The following DAB2IP variants were observed in gnomAD, a reference collection of about 807,000 sequenced individuals.
DAB2IP encodes the protein disabled homolog 2-interacting protein.
In DAB2IP, 28 loss-of-function variants were observed where a neutral mutation model predicts 107.2. The ratio of observed to expected loss-of-function variants is 0.26; its 90% CI spans 0.19 to 0.36. The LOEUF (loss-of-function observed/expected upper bound fraction) is 0.36. Among genes scored for constraint, DAB2IP ranks in the 10% least tolerant of loss-of-function variants. The probability of loss-of-function intolerance (pLI) is 1.00; values close to 1 mark genes in which losing one functional copy is unlikely to be tolerated. For synonymous variants in DAB2IP, 755 were observed against 706.4 expected, an observed-to-expected ratio of 1.07 and a Z score of -1.09; for missense variants, 1,400 against 1,644.7, an observed-to-expected ratio of 0.85 and a Z score of 2.57.
chr9:121,672,747 C>G (rs939833838), intron 1 of DAB2IP, among the ~76,000 whole-genome samples: 2 of 152,160 alleles, frequency 1.3e-5, no homozygotes, highest in Admixed American at 1.3e-4. Context: ...CTGGGGCGCA[C>G]TCTTAAGAGA....
At chr9:121,611,025 G>A (rs553032640) in intron 1 of DAB2IP, among the ~76,000 whole-genome samples, 2 of 152,134 alleles carry the variant, frequency 1.3e-5, no homozygotes, top group African/African-American at 4.8e-5. Flanking sequence ...CACCCATGCT[G>A]GAGTGAGTGG....
chr9:121,782,898 AG>A lies in DAB2IP; in HGVS notation c.*404del. 1 of 1,046,678 alleles carries A rather than the reference AG, an allele frequency of 9.6e-7. No individual in the cohort carries two copies. The highest frequency in any genetic ancestry group is 3.7e-5 in the South Asian group (1 of 26,766). The allele number at this position is 1,046,678 out of a possible 1,614,324, so 64.8% of individuals were successfully genotyped here. A position where few individuals can be genotyped will look rare whatever the true frequency, so the allele number is the denominator to read the frequency against. Reference sequence around the variant, plus strand: ...TTCCTGGAGGGGGGATTCAAGGGCTAGGGGCCTACACCTGTGGCTTCCCCTC... The same window carrying A: ...TTCCTGGAGGGGGGATTCAAGGGCTAGGGCCTACACCTGTGGCTTCCCCTC... On this transcript the variant is annotated 3_prime_UTR_variant, in exon 16 of 16. Transcript: ENST00000408936. The surrounding 1 kb of genome is among the most constrained non-coding windows in gnomAD (Gnocchi z 6.1).
intron 1 of DAB2IP, among the ~76,000 whole-genome samples, chr9:121,611,744 T>C (rs1474001921): frequency 1.3e-5 from 2 of 151,918 alleles, no homozygotes; most frequent in East Asian, 3.9e-4. Flanking sequence ...GCCACCACAG[T>C]CAGCTAATTT....
chr9:121,690,731 C>T (rs1240855858), intron 2 of DAB2IP, among the ~76,000 whole-genome samples: 1 of 152,174 alleles, frequency 6.6e-6, no homozygotes, highest in Non-Finnish European at 1.5e-5. Context: ...AATCTGGGCT[C>T]CCCTCTTTTT....
At chr9:121,649,655 C>T (rs1388869345), upstream of DAB2IP, among the ~76,000 whole-genome samples, 3 of 152,132 alleles carry the variant, frequency 2.0e-5, no homozygotes, top group South Asian at 4.1e-4. Flanking sequence ...GACCTGGCTA[C>T]GGAGGTTAGT....
chr9:121,605,983 C>T (rs949063790), intron 1 of DAB2IP, among the ~76,000 whole-genome samples: 1 of 152,106 alleles, frequency 6.6e-6, no homozygotes, highest in Non-Finnish European at 1.5e-5. Context: ...AAACATCTGT[C>T]CCTGAGTTCA....
At chr9:121,722,197 C>CCCCT (rs1035335026) in intron 3 of DAB2IP, among the ~76,000 whole-genome samples, 13 of 152,322 alleles carry the variant, frequency 8.5e-5, no homozygotes, top group African/African-American at 2.4e-4. Context: ...CATGTGACCT[C>CCCCT]CCCTGCCATT....
At chr9:121,695,174 A>G (rs1829359990) in intron 2 of DAB2IP, among the ~76,000 whole-genome samples, 1 of 152,024 alleles carries the variant, frequency 6.6e-6, no homozygotes, top group Non-Finnish European at 1.5e-5. Context: ...CAAAACTACC[A>G]AACTGGATGA....
intron 10 of DAB2IP, 32 bp from the exon 11 acceptor site, chr9:121,770,514 G>T: frequency 6.2e-7 from 1 of 1,603,510 alleles, no homozygotes; most frequent in Non-Finnish European, 8.5e-7. Flanking sequence ...GGTCCCAGGA[G>T]GTCACACCTG....
At chr9:121,678,414 T>C (rs1041298860) in intron 1 of DAB2IP, among the ~76,000 whole-genome samples, 1 of 152,246 alleles carries the variant, frequency 6.6e-6, no homozygotes, top group African/African-American at 2.4e-5. Flanking sequence ...GTTTCCACCA[T>C]TTGGCTGTTG....
intron 14 of DAB2IP, among the ~76,000 whole-genome samples, chr9:121,777,595 A>G (rs939897058): frequency 1.2e-4 from 18 of 152,348 alleles, no homozygotes; most frequent in Non-Finnish European, 2.4e-4. Flanking sequence ...ATCCTGGAAT[A>G]TTTCCTCCTT....
intron 1 of DAB2IP, among the ~76,000 whole-genome samples, chr9:121,577,689 C>G (rs1830097226): frequency 6.6e-6 from 1 of 152,182 alleles, no homozygotes; most frequent in African/African-American, 2.4e-5. Context: ...CTCCCATGCT[C>G]TCTCTGTGAC....
At chr9:121,752,179 T>C (rs1019180996) in intron 3 of DAB2IP, among the ~76,000 whole-genome samples, 2 of 152,190 alleles carry the variant, frequency 1.3e-5, no homozygotes, top group Admixed American at 6.5e-5. Context: ...GACTCTGGAA[T>C]GAACATTGGA....
At chr9:121,765,316 C>T (rs981495175) in intron 8 of DAB2IP, among the ~76,000 whole-genome samples, 1 of 152,246 alleles carries the variant, frequency 6.6e-6, no homozygotes, top group Non-Finnish European at 1.5e-5. Context: ...CCATTCTGGA[C>T]AAGGCCATTG....
intron 1 of DAB2IP, among the ~76,000 whole-genome samples, chr9:121,592,122 C>A (rs767164527): frequency 1.3e-5 from 2 of 152,190 alleles, no homozygotes; most frequent in Non-Finnish European, 2.9e-5. Context: ...AATCCCAGCA[C>A]TTTGGGAGGC....
At chr9:121,735,868 A>C (rs1831861113) in intron 3 of DAB2IP, among the ~76,000 whole-genome samples, 1 of 152,076 alleles carries the variant, frequency 6.6e-6, no homozygotes, top group Admixed American at 6.5e-5. Context: ...CCAAGGATGA[A>C]TCTCCAGGCC....
Position 121,763,236 on chromosome 9 carries a change from G to A in DAB2IP, c.1171-269G>A, listed in dbSNP as rs116197553. 2.1e-3 allele frequency among the ~76,000 whole-genome samples: 324 copies of A among 152,214 alleles called. 1 individual carries two copies. The highest frequency in any genetic ancestry group is 5.6e-3 in the African/African-American group (232 of 41,510). On this transcript the variant is annotated intron_variant, in intron 6 of 15. Coordinates refer to ENST00000408936, the Ensembl canonical transcript of DAB2IP. ...TGGTGGTGGGGGCTTGTGGCTCCAC[G>A]TGGCATGCTCTCATTCAGGCTGCCT... is the stretch of plus-strand genomic sequence containing the variant.
chr9:121,643,730 T>C (rs1399826539), intron 1 of DAB2IP, among the ~76,000 whole-genome samples: 1 of 150,276 alleles, frequency 6.7e-6, no homozygotes. Flanking sequence ...CTCTCAGTGC[T>C]GACTCCAGGT....
intron 1 of DAB2IP, among the ~76,000 whole-genome samples, chr9:121,640,393 G>C (rs557452091): frequency 6.6e-6 from 1 of 152,260 alleles, no homozygotes; most frequent in African/African-American, 2.4e-5. Context: ...AGCACCAGGA[G>C]GACACAAGAA....
Sources: gnomAD v4.1 joint callset for allele counts (sites outside exome capture counted in the v4.1 genomes callset) on GRCh38, gnomAD v4.1.1 for gene constraint, Gnocchi (gnomAD v3.1) non-coding constraint, MANE v1.5 for transcripts, NCBI Gene and HGNC (gene_info 2026-07-23, HGNC 2026-07-21) for gene names.